Variants in PLCH1 observed in about 807,000 individuals in gnomAD.
PLCH1 encodes 1-phosphatidylinositol 4,5-bisphosphate phosphodiesterase eta-1.
Under a neutral mutation model 126.7 loss-of-function variants are expected in PLCH1, and 60 were observed. The observed-to-expected ratio is 0.47, with a 90% CI of 0.38 to 0.59. The LOEUF is 0.59. Ranked by LOEUF, PLCH1 falls within the 20% of genes least tolerant of loss-of-function variation. The probability of loss-of-function intolerance (pLI) is 0.00; values close to 1 mark genes in which losing one functional copy is unlikely to be tolerated. For synonymous variants in PLCH1, 719 were observed against 734.9 expected, an observed-to-expected ratio of 0.98 and a Z score of 0.35; for missense variants, 1,723 against 2,040.0, an observed-to-expected ratio of 0.84 and a Z score of 2.99.
At chr3:155,675,942 C>T in intron 2 of PLCH1, 1 of 880,604 alleles carries the variant, frequency 1.1e-6, no homozygotes, top group Admixed American at 2.7e-5. Context: ...TAAATGTTTA[C>T]CATCTTTTAC....
At chr3:155,718,567 T>A (rs531713447) in intron 1 of PLCH1, among the ~76,000 whole-genome samples, 339 of 151,952 alleles carry the variant, frequency 2.2e-3, no homozygotes, top group Non-Finnish European at 3.8e-3. Context: ...TCTAGGGAGG[T>A]CACAAGAAAC....
At chr3:155,496,037 C>A (rs1716981044) in intron 15 of PLCH1, among the ~76,000 whole-genome samples, 1 of 152,128 alleles carries the variant, frequency 6.6e-6, no homozygotes, top group African/African-American at 2.4e-5. Flanking sequence ...CATAAATATG[C>A]ACATCACAAT....
chr3:155,546,677 G>A (rs1299449257), intron 10 of PLCH1, among the ~76,000 whole-genome samples: 28 of 150,546 alleles, frequency 1.9e-4, no homozygotes, highest in South Asian at 6.3e-4. Context: ...CATGGTACTG[G>A]TACCAAAACA....
intron 2 of PLCH1, among the ~76,000 whole-genome samples, chr3:155,628,108 C>G (rs999407289): frequency 6.6e-6 from 1 of 151,992 alleles, no homozygotes; most frequent in Non-Finnish European, 1.5e-5. Flanking sequence ...TACAAAACTA[C>G]AGATAGAACA....
intron 13 of PLCH1, among the ~76,000 whole-genome samples, chr3:155,501,898 G>A (rs186759235): frequency 2.0e-5 from 3 of 152,300 alleles, no homozygotes; most frequent in Admixed American, 1.3e-4. Context: ...AAGGTAAGAT[G>A]TTTAGACAGA....
Position 155,500,777 on chromosome 3 carries a change from C to G in PLCH1, c.1722G>C (p.Arg574=). ...CATCATCAGTACTGTAAGATTTAGA[C>G]CGTGATTTTGTAGTTTTCTGCCAGA... is the stretch of plus-strand genomic sequence containing the variant. ...FGKHKKTTKS[R]SKSYSTDDEE... Residue 574 remains arginine (R), a synonymous_variant, in exon 14 of 23, where the codon CGG becomes CGC. Transcript: ENST00000460012. 2 of 1,612,392 alleles carry G rather than the reference C, an allele frequency of 1.2e-6. No homozygotes were observed. The highest frequency in any genetic ancestry group is 1.7e-6 in the Non-Finnish European group (2 of 1,178,620).
intron 8 of PLCH1, among the ~76,000 whole-genome samples, chr3:155,562,148 T>C (rs1727715088): frequency 6.6e-6 from 1 of 152,176 alleles, no homozygotes; most frequent in Non-Finnish European, 1.5e-5. Flanking sequence ...TCTGCATACT[T>C]TGTAAATTAA....
chr3:155,543,513 A>C (rs1418974599), intron 10 of PLCH1, among the ~76,000 whole-genome samples: 1 of 152,226 alleles, frequency 6.6e-6, no homozygotes, highest in Non-Finnish European at 1.5e-5. Flanking sequence ...GCAGGCCAAC[A>C]TTCAGATTCA....
At chr3:155,564,115 T>C (rs1156609238) in intron 8 of PLCH1, among the ~76,000 whole-genome samples, 2 of 151,610 alleles carry the variant, frequency 1.3e-5, no homozygotes, top group Admixed American at 6.6e-5. Flanking sequence ...GCCTGGTTTA[T>C]ATTATTTTAT....
At chr3:155,664,432 T>C (rs540155470) in intron 2 of PLCH1, among the ~76,000 whole-genome samples, 1 of 152,364 alleles carries the variant, frequency 6.6e-6, no homozygotes, top group Admixed American at 6.5e-5. Context: ...CTAGTCTAAA[T>C]GCTGGCAAAC....
chr3:155,556,317 C>A (rs1049172459), intron 8 of PLCH1, among the ~76,000 whole-genome samples: 3 of 152,106 alleles, frequency 2.0e-5, no homozygotes, highest in Non-Finnish European at 4.4e-5. Context: ...CGTGACATTG[C>A]AACTCCAGCC....
At chr3:155,606,651 C>A (rs1040319446) in intron 2 of PLCH1, among the ~76,000 whole-genome samples, 5 of 152,148 alleles carry the variant, frequency 3.3e-5, no homozygotes, top group Non-Finnish European at 2.9e-5. Flanking sequence ...CCTTTCTTTG[C>A]ACATTTAGAT....
chr3:155,587,697 T>C (rs1731564117), intron 4 of PLCH1, among the ~76,000 whole-genome samples: 1 of 152,250 alleles, frequency 6.6e-6, no homozygotes, highest in Admixed American at 6.5e-5. Flanking sequence ...GTTTACATCA[T>C]GTGAACTGAA....
intron 10 of PLCH1, among the ~76,000 whole-genome samples, chr3:155,548,618 G>A (rs1725701162): frequency 6.6e-6 from 1 of 152,176 alleles, no homozygotes; most frequent in Admixed American, 6.5e-5. Flanking sequence ...TATTTAGGAA[G>A]TAGAAACATT....
chr3:155,586,580 G>C (rs760995342), intron 4 of PLCH1, among the ~76,000 whole-genome samples: 1 of 152,048 alleles, frequency 6.6e-6, no homozygotes, highest in East Asian at 1.9e-4. Flanking sequence ...GGTGGCAGGC[G>C]CCTGTAATCC....
At chr3:155,649,482 T>C (rs1433264383) in intron 2 of PLCH1, among the ~76,000 whole-genome samples, 1 of 152,122 alleles carries the variant, frequency 6.6e-6, no homozygotes, top group African/African-American at 2.4e-5. Flanking sequence ...ATGCACAACC[T>C]ATGCTACACC....
At chr3:155,566,366 C>T (rs200373334) in intron 7 of PLCH1, among the ~76,000 whole-genome samples, 8 of 139,984 alleles carry the variant, frequency 5.7e-5, no homozygotes, top group African/African-American at 2.1e-4. Context: ...TATATACACA[C>T]ATATATATAT....
In PLCH1 at chr3:155,485,584, C is replaced by T. The variant is rs1290098161; in HGVS notation, c.2746G>A (p.Ala916Thr). ...GDRILRRTASAPAKGRKKSKM... is the reference protein window; with the variant it reads ...GDRILRRTASTPAKGRKKSKM... ...CTCTTTTTCCTGCCTTTGGCTGGGG[C>T]GCTAGCTGTGCGTCGCAGAATTCTA... Residue 916 changes from alanine to threonine, a missense_variant, in exon 22 of 23, where the codon GCC becomes ACC. Transcript: ENST00000460012. 2 of 1,613,970 alleles carry T rather than the reference C, an allele frequency of 1.2e-6. No individual in the cohort carries two copies. The highest frequency in any genetic ancestry group is 1.7e-6 in the Non-Finnish European group (2 of 1,179,952).
At chr3:155,530,830 A>C (rs955580642) in intron 10 of PLCH1, among the ~76,000 whole-genome samples, 3 of 152,252 alleles carry the variant, frequency 2.0e-5, no homozygotes, top group Non-Finnish European at 4.4e-5. Flanking sequence ...TATGGCAGTT[A>C]TAGGCTTACA....
Sources: gnomAD v4.1 joint callset for allele counts (sites outside exome capture counted in the v4.1 genomes callset) on GRCh38, gnomAD v4.1.1 for gene constraint, MANE v1.5 for transcripts, NCBI Gene and HGNC (gene_info 2026-07-23, HGNC 2026-07-21) for gene names.